The following PILRA variants were observed in gnomAD, a reference collection of about 807,000 sequenced individuals.
PILRA encodes the protein paired immunoglobulin-like type 2 receptor alpha.
Under a neutral mutation model 33.1 loss-of-function variants are expected in PILRA, and 37 were observed. That is an observed-to-expected ratio of 1.12 (90% CI 0.86 to 1.47). The LOEUF (loss-of-function observed/expected upper bound fraction) is 1.47. Ranked by LOEUF, PILRA falls within the 40% of genes most tolerant of loss-of-function variation. The probability of loss-of-function intolerance (pLI) is 0.00; values close to 1 mark genes in which losing one functional copy is unlikely to be tolerated. For synonymous variants in PILRA, 146 were observed against 149.9 expected (o/e 0.97, Z 0.19); for missense variants, 312 against 376.2 (o/e 0.83, Z 1.41).
In PILRA at chr7:100,374,080, G is replaced by A. The variant is rs1215875816; in HGVS notation, c.101G>A (p.Gly34Glu). ...GGATCTGGTCCAAGCTACCTTTATG[G>A]GGTCACTCAACCAAAACACCTCTCA... ...STGSGPSYLY[G>E]VTQPKHLSAS... The change falls in exon 2 of 7, where the codon GGG (glycine) becomes GAG (glutamate). Residue 34 changes from glycine to glutamate, a missense_variant. Coordinates refer to ENST00000198536, the MANE Select transcript of PILRA (RefSeq NM_013439.3). The A allele has an allele frequency of 3.7e-6, 6 of 1,613,946 alleles. No homozygotes were observed. The African/African-American group carries it at 6.7e-5, about 18-fold the overall frequency.
chr7:100,387,092 G>A (rs1164045061), intron 2 of PILRA, among the ~76,000 whole-genome samples: 1 of 152,190 alleles, frequency 6.6e-6, no homozygotes, highest in African/African-American at 2.4e-5. Flanking sequence ...TTACGCCAGA[G>A]GCTGCAAATT....
At position 100,391,933 on chromosome 7, in the gene PILRA, A is replaced by G. The variant is rs549651562; in HGVS notation, c.673+1827A>G. ...TCAGAGTACACATTTACAGTTCAAA[A>G]GAGAGGACAAGGCCTGAGGCATTAA... On this transcript the variant is annotated intron_variant, in intron 3 of 6. Coordinates refer to ENST00000198536, the MANE Select transcript of PILRA (RefSeq NM_013439.3). 3.0e-4 allele frequency among the ~76,000 whole-genome samples: 46 copies of G among 152,334 alleles called. No homozygotes were observed. The South Asian group carries it at 5.0e-3, about 16-fold the overall frequency.
At chr7:100,393,803 A>C (rs1791437958) in intron 3 of PILRA, among the ~76,000 whole-genome samples, 1 of 152,062 alleles carries the variant, frequency 6.6e-6, no homozygotes, top group Non-Finnish European at 1.5e-5. Flanking sequence ...CTGGCAAAAA[A>C]TAGGAGGAAG....
At chr7:100,375,547 C>A in intron 2 of PILRA, among the ~76,000 whole-genome samples, 1 of 152,170 alleles carries the variant, frequency 6.6e-6, no homozygotes, top group South Asian at 2.1e-4. Flanking sequence ...GCCTGGCCAA[C>A]ATGGTGAAAC....
At chr7:100,398,003 C>G (rs1791535552) in intron 4 of PILRA, 91 bp downstream of exon 4, 1 of 1,304,534 alleles carries the variant, frequency 7.7e-7, no homozygotes, top group African/African-American at 1.5e-5. Context: ...GCTAAGAACC[C>G]CACAAACCCA....
chr7:100,397,210 G>A (rs1372298037), intron 3 of PILRA, among the ~76,000 whole-genome samples: 1 of 151,806 alleles, frequency 6.6e-6, no homozygotes, highest in East Asian at 1.9e-4. Flanking sequence ...TTCAGAGGGT[G>A]TCTCTGTGGA....
At chr7:100,375,124 C>A (rs1584209707) in intron 2 of PILRA, among the ~76,000 whole-genome samples, 1 of 152,300 alleles carries the variant, frequency 6.6e-6, no homozygotes, top group East Asian at 1.9e-4. Flanking sequence ...CTGCAGCCCC[C>A]ACTTTCCCTG....
Position 100,390,030 on chromosome 7 carries a change from G to T in PILRA, c.597G>T (p.Gly199=), listed in dbSNP as rs1026970935. 6 of 1,614,114 alleles carry T rather than the reference G, an allele frequency of 3.7e-6. No individual in the cohort carries two copies. In the South Asian group the frequency reaches 6.6e-5, roughly 18 times the overall value. Residue 199 remains glycine (G), a synonymous_variant, in exon 3 of 7, where the codon GGG becomes GGT. Coordinates refer to ENST00000198536, the MANE Select transcript of PILRA (RefSeq NM_013439.3). ...SWHISLETAV[G]VAVAVTVLGI... Reference sequence around the variant, plus strand: ...ACATAAGTCTGGAGACTGCTGTGGGGGTGGCAGTGGCTGTCACTGTGCTCG... The same window carrying T: ...ACATAAGTCTGGAGACTGCTGTGGGTGTGGCAGTGGCTGTCACTGTGCTCG...
upstream of PILRA, among the ~76,000 whole-genome samples, chr7:100,372,928 G>A (rs1233291768): frequency 6.6e-6 from 1 of 152,088 alleles, no homozygotes; most frequent in African/African-American, 2.4e-5. Flanking sequence ...GGGTCAAGGG[G>A]TGGCTTCCAG....
chr7:100,373,253 C>T (rs1790859468), upstream of PILRA, among the ~76,000 whole-genome samples: 3 of 152,120 alleles, frequency 2.0e-5, no homozygotes, highest in Admixed American at 1.3e-4. Flanking sequence ...CTGCGCTGGC[C>T]CTGGGCAGAG....
At chr7:100,390,158 C>T (rs2130217915) in intron 3 of PILRA, 52 bp downstream of exon 3, 2 of 1,479,762 alleles carry the variant, frequency 1.4e-6, no homozygotes, top group East Asian at 4.5e-5. Flanking sequence ...GGGGGTTTCT[C>T]AAAGCCCACC....
At chr7:100,395,447 C>T (rs1271425261) in intron 3 of PILRA, among the ~76,000 whole-genome samples, 1 of 152,184 alleles carries the variant, frequency 6.6e-6, no homozygotes, top group Non-Finnish European at 1.5e-5. Context: ...TCCCAGCCTC[C>T]AGAACTGTGA....
chr7:100,381,867 A>G (rs957411944), intron 2 of PILRA, among the ~76,000 whole-genome samples: 1 of 152,116 alleles, frequency 6.6e-6, no homozygotes, highest in Non-Finnish European at 1.5e-5. Context: ...CACCTGGGCC[A>G]GCAGCTGCGG....
At chr7:100,374,743 T>A (rs1790907941) in intron 2 of PILRA, 1 of 429,252 alleles carries the variant, frequency 2.3e-6, no homozygotes, top group Non-Finnish European at 4.4e-6. Flanking sequence ...AAAATGAGGC[T>A]CCAGCCTGGC....
Position 100,400,076 on chromosome 7 carries a change from A to G in PILRA, c.*169A>G, listed in dbSNP as rs1014447464. Reference sequence around the variant, plus strand: ...CTCTAGTTAAAAATATATATTAACAATAAAGTAACAAATTTAAAAAGATTG... The same window carrying G: ...CTCTAGTTAAAAATATATATTAACAGTAAAGTAACAAATTTAAAAAGATTG... On this transcript the variant is annotated 3_prime_UTR_variant, in exon 7 of 7. Transcript: ENST00000198536. 2.1e-5 allele frequency: 11 copies of G among 514,152 alleles called. No individual in the cohort carries two copies. The highest frequency in any genetic ancestry group is 9.6e-4 in the Middle Eastern group (2 of 2,076). 31.8% of individuals were successfully genotyped at this position (514,152 alleles called of 1,614,324 possible). A position where few individuals can be genotyped will look rare whatever the true frequency, so the allele number is the denominator to read the frequency against.
intron 2 of PILRA, among the ~76,000 whole-genome samples, chr7:100,375,635 G>A (rs1333630024): frequency 6.6e-6 from 1 of 152,236 alleles, no homozygotes; most frequent in African/African-American, 2.4e-5. Context: ...GGGAGGCTGA[G>A]GCAGGAGAAT....
chr7:100,383,865 GA>G, intron 2 of PILRA, among the ~76,000 whole-genome samples: 1 of 152,132 alleles, frequency 6.6e-6, no homozygotes, highest in East Asian at 1.9e-4. Context: ...TCGAACTGTT[GA>G]CTTCAGGTGA....
chr7:100,382,026 A>G (rs1327231031), intron 2 of PILRA, among the ~76,000 whole-genome samples: 7 of 34,970 alleles, frequency 2.0e-4, no homozygotes, highest in South Asian at 7.8e-4. Context: ...CCACCCCCGT[A>G]GGCTCCAGCG....
chr7:100,376,808 C>T (rs1790960672), intron 2 of PILRA, among the ~76,000 whole-genome samples: 1 of 129,018 alleles, frequency 7.8e-6, no homozygotes, highest in African/African-American at 3.0e-5. Context: ...CTCGCTCTGT[C>T]ACCCAGGCTG....
Sources: gnomAD v4.1 joint callset for allele counts (sites outside exome capture counted in the v4.1 genomes callset) on GRCh38, gnomAD v4.1.1 for gene constraint, MANE v1.5 for transcripts, NCBI Gene and HGNC (gene_info 2026-07-23, HGNC 2026-07-21) for gene names.